The following TP63 variants were observed in gnomAD, a reference collection of about 807,000 sequenced individuals.
TP63 encodes the protein tumor protein 63.
A neutral mutation model predicts 82.8 loss-of-function variants in TP63; 17 were observed. That is an observed-to-expected ratio of 0.21 (90% confidence interval 0.14 to 0.31). The LOEUF (loss-of-function observed/expected upper bound fraction) is 0.31. Among genes scored for constraint, TP63 ranks in the 10% least tolerant of loss-of-function variants. The pLI is 1.00. For synonymous variants in TP63, 330 were observed against 321.7 expected, an observed-to-expected ratio of 1.03 and a Z score of -0.28; for missense variants, 648 against 895.3, an observed-to-expected ratio of 0.72 and a Z score of 3.52.
At chr3:189,869,470 T>C (rs1442588904) in intron 9 of TP63, 64 bp downstream of exon 9, 3 of 1,405,790 alleles carry the variant, frequency 2.1e-6, no homozygotes, top group Non-Finnish European at 3.0e-6. Flanking sequence ...GCTTTTACAG[T>C]ATGATCATCA....
At position 189,869,658 on chromosome 3, in the gene TP63, A is replaced by C. The variant is rs545844829; in HGVS notation, c.1212+252A>C. On this transcript the variant is annotated intron_variant, in intron 9 of 13. Transcript: ENST00000264731. ...GTGAGAGTTCTCTTCTGAGTTGCAA[A>C]CTGCCATTTTCTCCTTGTATTCTCA... 9.4e-4 allele frequency among the ~76,000 whole-genome samples: 143 copies of C among 151,610 alleles called. 1 individual carries two copies. Among genetic ancestry groups the C allele is most frequent in the Non-Finnish European group, 1.7e-3 (118 of 67,948 alleles).
At chr3:189,624,442 T>C in the TP63 span, among the ~76,000 whole-genome samples, 23 of 152,184 alleles carry the variant, frequency 1.5e-4, no homozygotes, top group African/African-American at 5.1e-4. Context: ...TATGTCAATA[T>C]AGCCTTTAAG....
chr3:189,777,896 C>A (rs1379806865), intron 3 of TP63, among the ~76,000 whole-genome samples: 3 of 131,696 alleles, frequency 2.3e-5, no homozygotes, highest in Non-Finnish European at 3.1e-5. Flanking sequence ...TACTCTGTCA[C>A]CCAGGCTGGA....
the TP63 span, among the ~76,000 whole-genome samples, chr3:189,613,739 G>A: frequency 3.9e-5 from 6 of 152,138 alleles, no homozygotes; most frequent in South Asian, 4.1e-4. Context: ...CAAGACCATG[G>A]GAACCTACCT....
At chr3:189,822,780 T>C (rs908317337) in intron 4 of TP63, among the ~76,000 whole-genome samples, 2 of 152,210 alleles carry the variant, frequency 1.3e-5, no homozygotes, top group African/African-American at 4.8e-5. Context: ...ATAGAGCTCC[T>C]TCTTTATGGC....
At chr3:189,889,550 C>A in intron 12 of TP63, 66 bp downstream of exon 12, 1 of 1,605,498 alleles carries the variant, frequency 6.2e-7, no homozygotes, top group African/African-American at 1.3e-5. Context: ...AGGGCGGATA[C>A]TGTTATAGTC....
chr3:189,630,808 A>C (rs1729426027), upstream of TP63, among the ~76,000 whole-genome samples: 1 of 151,260 alleles, frequency 6.6e-6, no homozygotes, highest in Non-Finnish European at 1.5e-5. Context: ...CTTAGCTGAG[A>C]GGAAGAGTGA....
chr3:189,819,429 T>A (rs539425612), intron 4 of TP63, among the ~76,000 whole-genome samples: 1 of 152,126 alleles, frequency 6.6e-6, no homozygotes, highest in African/African-American at 2.4e-5. Flanking sequence ...TATCTCCTAA[T>A]GCTATCCCTC....
At chr3:189,625,776 A>G in the TP63 span, among the ~76,000 whole-genome samples, 2 of 152,126 alleles carry the variant, frequency 1.3e-5, no homozygotes, top group Non-Finnish European at 2.9e-5. Context: ...GCTTTGAGCA[A>G]AGGAGGGGTG....
In TP63 at chr3:189,895,393, T is replaced by TA. The variant is rs1721394495; in HGVS notation, c.*892dup. On this transcript the variant is annotated 3_prime_UTR_variant, in exon 14 of 14. Transcript: ENST00000264731. ...AAATTTAATACCAGATACCTTATCT[T>TA]ACAATATTGATTGGGAAAACATTTG... is the stretch of plus-strand genomic sequence containing the variant. 7 of 217,146 alleles carry TA rather than the reference T, an allele frequency of 3.2e-5. No homozygotes were observed. The South Asian group carries it at 1.3e-3, about 40-fold the overall frequency. The allele number at this position is 217,146 out of a possible 1,614,324, so 13.5% of individuals were successfully genotyped here. A position where few individuals can be genotyped will look rare whatever the true frequency, so the allele number is the denominator to read the frequency against.
intron 1 of TP63, among the ~76,000 whole-genome samples, chr3:189,651,734 T>C (rs1443850406): frequency 1.4e-5 from 2 of 145,952 alleles, no homozygotes; most frequent in Non-Finnish European, 3.0e-5. Flanking sequence ...CTGGGAGGCC[T>C]AGGAGGGAAA....
chr3:189,874,130 C>T (rs1718754160), intron 10 of TP63, among the ~76,000 whole-genome samples: 1 of 152,082 alleles, frequency 6.6e-6, no homozygotes, highest in Admixed American at 6.6e-5. Context: ...AGTGCAGTGG[C>T]ACTTTCTTGG....
At chr3:189,772,409 T>C (rs1261791362) in intron 3 of TP63, among the ~76,000 whole-genome samples, 1 of 152,236 alleles carries the variant, frequency 6.6e-6, no homozygotes, top group African/African-American at 2.4e-5. Context: ...ACTATGATGC[T>C]TCCTTTAGAA....
intron 3 of TP63, among the ~76,000 whole-genome samples, chr3:189,770,717 G>A (rs921721975): frequency 1.3e-5 from 2 of 152,096 alleles, no homozygotes; most frequent in Admixed American, 6.5e-5. Flanking sequence ...CTGAATTTAT[G>A]CAAATTTGAG....
chr3:189,653,137 G>A (rs905315350), intron 1 of TP63, among the ~76,000 whole-genome samples: 8 of 152,110 alleles, frequency 5.3e-5, no homozygotes, highest in African/African-American at 1.9e-4. Flanking sequence ...GAATTTAATA[G>A]CATGATTCAT....
At chr3:189,628,235 A>T (rs1167438860), upstream of TP63, among the ~76,000 whole-genome samples, 1 of 152,170 alleles carries the variant, frequency 6.6e-6, no homozygotes, top group Non-Finnish European at 1.5e-5. Flanking sequence ...TTGGTCTTTG[A>T]AGGATGAGCA....
intron 2 of TP63, 108 bp downstream of exon 2, chr3:189,737,976 A>G (rs1357621719): frequency 7.1e-7 from 1 of 1,412,890 alleles, no homozygotes; most frequent in African/African-American, 1.4e-5. Context: ...AGTAGAAGTT[A>G]TTTAGGAAAA....
intron 1 of TP63, among the ~76,000 whole-genome samples, chr3:189,736,455 T>C (rs1720602144): frequency 1.3e-5 from 2 of 152,208 alleles, no homozygotes; most frequent in South Asian, 4.1e-4. Flanking sequence ...TTCCTAATTT[T>C]CATCAGCAAA....
chr3:189,872,074 G>A (rs1560284604), intron 9 of TP63, among the ~76,000 whole-genome samples: 1 of 152,190 alleles, frequency 6.6e-6, no homozygotes, highest in Non-Finnish European at 1.5e-5. Flanking sequence ...CTCTTAAAGA[G>A]AGAAACATAT....
Sources: allele counts gnomAD v4.1 joint callset (sites outside exome capture counted in the v4.1 genomes callset), GRCh38; gene constraint gnomAD v4.1.1; transcripts MANE v1.5; gene names NCBI Gene and HGNC (gene_info 2026-07-23, HGNC 2026-07-21).